GOLGA2: variants seen among roughly 807,000 people sequenced by gnomAD.
GOLGA2 encodes golgin A2, also known as golgin subfamily A member 2.
GOLGA2 carries 49 observed loss-of-function variants against 148.8 expected under a neutral mutation model. That is an observed-to-expected ratio of 0.33 (90% CI 0.26 to 0.42). GOLGA2 has a LOEUF of 0.42. Ranked by LOEUF, GOLGA2 falls within the 10% of genes least tolerant of loss-of-function variation. The pLI is 1.00. For synonymous variants in GOLGA2, 501 were observed against 511.8 expected (o/e 0.98, Z 0.28); for missense variants, 1,178 against 1,304.6 (o/e 0.90, Z 1.49).
Position 128,258,020 on chromosome 9 carries a change from TC to T in GOLGA2, c.2467del (p.Glu823ArgfsTer27). On this transcript the variant is annotated frameshift_variant, in exon 23 of 27. Transcript: ENST00000611957. LOFTEE classifies it high-confidence loss of function. The surrounding 1 kb of genome is among the most constrained non-coding windows in gnomAD (Gnocchi z 6.6). The stretch of plus-strand genomic sequence containing the variant: ...GGCCCCCTGCAGGGCCCGGTGGGTC[TC>T]CCCACACACAGAATCACCCCCGGTC... ...PGTGGDSVCG[E>X]THRALQGAME... The T allele has an allele frequency of 6.2e-7, 1 of 1,609,962 alleles. No homozygotes were observed.
In GOLGA2 at chr9:128,263,024, C is replaced by T. The variant is rs773863575; in HGVS notation, c.992+10G>A. ...CCCCAGACCTCCCATCCCACCATCC[C>T]CCATCCTACGTGTTCTTGTATAACT... is the stretch of plus-strand genomic sequence containing the variant. On this transcript the variant is annotated intron_variant, in intron 13 of 26. Coordinates refer to ENST00000611957, the MANE Select transcript of GOLGA2 (RefSeq NM_001366244.2). 1.3e-6 allele frequency: 2 copies of T among 1,594,058 alleles called. No individual in the cohort carries two copies. Among genetic ancestry groups the T allele is most frequent in the South Asian group, 1.1e-5 (1 of 90,716 alleles).
intron 3 of GOLGA2, among the ~76,000 whole-genome samples, chr9:128,269,972 A>G (rs1409480795): frequency 1.3e-5 from 2 of 152,088 alleles, no homozygotes. Context: ...ACTGAATCTA[A>G]TAGGTCAGAG....
intron 1 of GOLGA2, among the ~76,000 whole-genome samples, 179 bp downstream of exon 1, chr9:128,275,714 C>CG (rs933516811): frequency 2.6e-5 from 4 of 151,028 alleles, no homozygotes; most frequent in African/African-American, 9.7e-5. Context: ...CTGGCGAGGG[C>CG]GGGGGCTGGG....
At position 128,275,953 on chromosome 9, in the gene GOLGA2, A is replaced by C; in HGVS notation, c.24T>G (p.Pro8=). 2 of 1,572,992 alleles carry C rather than the reference A, an allele frequency of 1.3e-6. No homozygotes were observed. Among genetic ancestry groups the C allele is most frequent in the Non-Finnish European group, 1.7e-6 (2 of 1,153,576 alleles). Residue 8 remains proline (P), a synonymous_variant, in exon 1 of 27, where the codon CCT becomes CCG. Coordinates refer to ENST00000611957, the MANE Select transcript of GOLGA2 (RefSeq NM_001366244.2). Reference sequence around the variant, plus strand: ...TTTCTTCCGACATCGCGGGGCGGGGAGGGAGGCGGGGTTGGGGCCACATCA... The same window carrying C: ...TTTCTTCCGACATCGCGGGGCGGGGCGGGAGGCGGGGTTGGGGCCACATCA... The part of the protein sequence containing the change: MWPQPRL[P]PRPAMSEETR...
intron 1 of GOLGA2, chr9:128,275,579 T>C: frequency 9.3e-7 from 1 of 1,078,608 alleles, no homozygotes; most frequent in Non-Finnish European, 1.2e-6. Context: ...ATTGCTGGGG[T>C]CCTAGGTCCT....
Position 128,258,638 on chromosome 9 carries a change from AC to A in GOLGA2, c.2174-69del. On this transcript the variant is annotated intron_variant, in intron 21 of 26. Transcript: ENST00000611957. This position sits in a 1 kb window ranked among gnomAD's most constrained non-coding sequence, Gnocchi z 6.6. ...GTACAGTGGGCCCACCTCTGCCCCC[AC>A]CCTCACTGTGTAACCCTGGGCCAGC... 1 of 1,159,946 alleles carries A rather than the reference AC, an allele frequency of 8.6e-7. No homozygotes were observed. Among genetic ancestry groups the A allele is most frequent in the East Asian group, 2.6e-5 (1 of 39,018 alleles). 71.9% of individuals were successfully genotyped at this position (1,159,946 alleles called of 1,614,324 possible).
In GOLGA2 at chr9:128,258,374, C is replaced by T. The variant is rs1005979417; in HGVS notation, c.2289+81G>A. On this transcript the variant is annotated intron_variant, in intron 22 of 26. Transcript: ENST00000611957. This position sits in a 1 kb window ranked among gnomAD's most constrained non-coding sequence, Gnocchi z 6.6. ...TGAGGGTCCGAAGAAATCAGAAGGC[C>T]GGGAAACCAAGAGCAGAAGGGGGTC... 1.9e-5 allele frequency: 26 copies of T among 1,353,608 alleles called. No individual in the cohort carries two copies. Among genetic ancestry groups the T allele is most frequent in the African/African-American group, 2.9e-5 (2 of 69,146 alleles). The allele number at this position is 1,353,608 out of a possible 1,614,324, so 83.8% of individuals were successfully genotyped here.
chr9:128,257,357 G>A lies in GOLGA2; in HGVS notation c.2875+12C>T, dbSNP rs1337196174. 4 of 1,612,922 alleles carry A rather than the reference G, an allele frequency of 2.5e-6. No individual in the cohort carries two copies. The Admixed American group carries it at 5.0e-5, about 20-fold the overall frequency. On this transcript the variant is annotated intron_variant, in intron 26 of 26. Coordinates refer to ENST00000611957, the MANE Select transcript of GOLGA2 (RefSeq NM_001366244.2). The surrounding 1 kb of genome is among the most constrained non-coding windows in gnomAD (Gnocchi z 8.0). Reference sequence around the variant, plus strand: ...CTCCTGCCTGCCCACCCCTCCCGAGGGCTCTACTCACCACCCTGCTGGTTG... The same window carrying A: ...CTCCTGCCTGCCCACCCCTCCCGAGAGCTCTACTCACCACCCTGCTGGTTG...
chr9:128,258,398 T>A lies in GOLGA2; in HGVS notation c.2289+57A>T. 6.8e-7 allele frequency: 1 copy of A among 1,463,808 alleles called. No individual in the cohort carries two copies. The highest frequency in any genetic ancestry group is 9.6e-7 in the Non-Finnish European group (1 of 1,045,964). The allele number at this position is 1,463,808 out of a possible 1,614,324, so 90.7% of individuals were successfully genotyped here. A position where few individuals can be genotyped will look rare whatever the true frequency, so the allele number is the denominator to read the frequency against. On this transcript the variant is annotated intron_variant, in intron 22 of 26. Coordinates refer to ENST00000611957, the MANE Select transcript of GOLGA2 (RefSeq NM_001366244.2). The surrounding 1 kb of genome is among the most constrained non-coding windows in gnomAD (Gnocchi z 6.6). ...CCGGGAAACCAAGAGCAGAAGGGGG[T>A]CTGGGAGGGACCACAGAGGGAGGCA...
At chr9:128,269,880 C>T (rs1047456663) in intron 3 of GOLGA2, among the ~76,000 whole-genome samples, 1 of 152,224 alleles carries the variant, frequency 6.6e-6, no homozygotes, top group Non-Finnish European at 1.5e-5. Flanking sequence ...GCTGGTGGAA[C>T]TGAAGATGAG....
Position 128,267,423 on chromosome 9 carries a change from G to A in GOLGA2, c.561+35C>T, listed in dbSNP as rs374197051. ...TGGGAGGAGGTTGGAGGGCTGGCCTGCAGGGTCACTGGGCCACGGCCCAGG... is the reference window on the plus strand; with the variant it reads ...TGGGAGGAGGTTGGAGGGCTGGCCTACAGGGTCACTGGGCCACGGCCCAGG... On this transcript the variant is annotated intron_variant, in intron 7 of 26. Coordinates refer to ENST00000611957, the MANE Select transcript of GOLGA2 (RefSeq NM_001366244.2). 709 of 1,579,864 alleles carry A rather than the reference G, an allele frequency of 4.5e-4. 4 individuals are homozygous for A. The highest frequency in any genetic ancestry group is 4.5e-4 in the Admixed American group (27 of 59,990).
Position 128,272,818 on chromosome 9 carries a change from A to G in GOLGA2, c.255T>C (p.Asn85=), listed in dbSNP as rs1404691969. The G allele has an allele frequency of 7.8e-7, 1 of 1,281,790 alleles. No individual in the cohort carries two copies. Among genetic ancestry groups the G allele is most frequent in the South Asian group, 1.2e-5 (1 of 80,624 alleles). 79.4% of individuals were successfully genotyped at this position (1,281,790 alleles called of 1,614,324 possible). A position where few individuals can be genotyped will look rare whatever the true frequency, so the allele number is the denominator to read the frequency against. ...TGTCCAATGGGGGGAGCGCTACCCCATTGGAACGGTTAAGGTCGGACACCA... is the reference window on the plus strand; with the variant it reads ...TGTCCAATGGGGGGAGCGCTACCCCGTTGGAACGGTTAAGGTCGGACACCA... The part of the protein sequence containing the change: ...KVLVSDLNRS[N]GVALPPLDKW... The change falls in exon 3 of 27, where the codon AAT becomes AAC. Residue 85 remains asparagine (N), a synonymous_variant. Coordinates refer to ENST00000611957, the MANE Select transcript of GOLGA2 (RefSeq NM_001366244.2).
intron 12 of GOLGA2, among the ~76,000 whole-genome samples, chr9:128,264,734 G>T (rs895003597): frequency 1.3e-5 from 2 of 152,086 alleles, no homozygotes; most frequent in Admixed American, 1.3e-4. Context: ...GGCCAAGATC[G>T]AATTTACAGC....
chr9:128,275,919 T>C lies in GOLGA2; in HGVS notation c.58A>G (p.Ser20Gly). Residue 20 changes from serine to glycine, a missense_variant, in exon 1 of 27, where the codon AGC becomes GGC. Coordinates refer to ENST00000611957, the MANE Select transcript of GOLGA2 (RefSeq NM_001366244.2). The part of the protein sequence containing the change: ...RPAMSEETRQ[S>G]KLAAAKKKLR... ...TTTTTCTTCGCTGCGGCCAATTTGC[T>C]CTGTCGGGTTTCTTCCGACATCGCG... 3 of 1,588,268 alleles carry C rather than the reference T, an allele frequency of 1.9e-6. No individual in the cohort carries two copies. Among genetic ancestry groups the C allele is most frequent in the Non-Finnish European group, 2.6e-6 (3 of 1,166,976 alleles).
chr9:128,264,168 A>G (rs1588484337), intron 12 of GOLGA2, among the ~76,000 whole-genome samples: 2 of 151,042 alleles, frequency 1.3e-5, no homozygotes, highest in African/African-American at 4.9e-5. Context: ...CCGTCTCAAA[A>G]AAAAAGGACT....
intron 3 of GOLGA2, 25 bp from the exon 4 acceptor site, chr9:128,268,549 TA>T (rs1210930378): frequency 4.5e-6 from 6 of 1,345,418 alleles, no homozygotes; most frequent in South Asian, 3.5e-5. Flanking sequence ...AGCAGGGGGT[TA>T]GGGGGCCATG....
rs1326469239 is a variant in GOLGA2, at chr9:128,266,952, C to T, written c.642+242G>A. 5 of 589,094 alleles carry T rather than the reference C, an allele frequency of 8.5e-6. No homozygotes were observed. The highest frequency in any genetic ancestry group is 1.5e-5 in the Non-Finnish European group (5 of 327,956). The allele number at this position is 589,094 out of a possible 1,614,324, so 36.5% of individuals were successfully genotyped here. A position where few individuals can be genotyped will look rare whatever the true frequency, so the allele number is the denominator to read the frequency against. On this transcript the variant is annotated intron_variant, in intron 8 of 26. Coordinates refer to ENST00000611957, the MANE Select transcript of GOLGA2 (RefSeq NM_001366244.2). The surrounding 1 kb of genome is among the most constrained non-coding windows in gnomAD (Gnocchi z 4.2). ...TCCCCAAGAGGCAACAACCCCAGGG[C>T]GTGTGTGGCAAGGACTCGAGCAGGG... is the stretch of plus-strand genomic sequence containing the variant.
chr9:128,256,319 G>GGTCT lies in GOLGA2; in HGVS notation c.*744_*747dup, dbSNP rs1329657410. ...GTCAGCCCTGGCCAAGGTGGCTAAG[G>GGTCT]GTCTACACATTTGTCTCCCCCCATT... On this transcript the variant is annotated 3_prime_UTR_variant, in exon 27 of 27. Coordinates refer to ENST00000611957, the MANE Select transcript of GOLGA2 (RefSeq NM_001366244.2). 2.0e-5 allele frequency: 3 copies of GGTCT among 152,238 alleles called. No homozygotes were observed. The highest frequency in any genetic ancestry group is 2.9e-5 in the Non-Finnish European group (2 of 68,098). The allele number at this position is 152,238 out of a possible 1,614,324, so 9.4% of individuals were successfully genotyped here. A position where few individuals can be genotyped will look rare whatever the true frequency, so the allele number is the denominator to read the frequency against.
rs752086393 is a variant in GOLGA2, at chr9:128,266,069, C to T, written c.682-49G>A. On this transcript the variant is annotated intron_variant, in intron 9 of 26. Coordinates refer to ENST00000611957, the MANE Select transcript of GOLGA2 (RefSeq NM_001366244.2). The surrounding 1 kb of genome is among the most constrained non-coding windows in gnomAD (Gnocchi z 4.2). ...TCTTACGAGGGGGAGGCAGAGACGG[C>T]ACAGCAAGGGACATGCCCCCAGAAT... 16 of 1,518,416 alleles carry T rather than the reference C, an allele frequency of 1.1e-5. No homozygotes were observed. In the South Asian group the frequency reaches 1.8e-4, roughly 17 times the overall value. The allele number at this position is 1,518,416 out of a possible 1,614,324, so 94.1% of individuals were successfully genotyped here.
Sources: allele counts gnomAD v4.1 joint callset (sites outside exome capture counted in the v4.1 genomes callset), GRCh38; gene constraint gnomAD v4.1.1; non-coding constraint Gnocchi (gnomAD v3.1); transcripts MANE v1.5; gene names NCBI Gene and HGNC (gene_info 2026-07-23, HGNC 2026-07-21).